Variants in ADCY2 observed in about 807,000 individuals in gnomAD.
The protein encoded by ADCY2 is adenylate cyclase 2.
A neutral mutation model predicts 125.2 loss-of-function variants in ADCY2; 31 were observed. That is an observed-to-expected ratio of 0.25 (90% confidence interval 0.19 to 0.33). The LOEUF (loss-of-function observed/expected upper bound fraction) is 0.33, where lower values mean the gene tolerates loss of function less well. Among genes scored for constraint, ADCY2 ranks in the 10% least tolerant of loss-of-function variants. ADCY2 has a pLI of 1.00. For missense variants in ADCY2, 904 were observed against 1,418.2 expected, an observed-to-expected ratio of 0.64 and a Z score of 5.82; for synonymous variants, 512 against 548.4, an observed-to-expected ratio of 0.93 and a Z score of 0.93.
chr5:7,607,185 A>T (rs1320185323), intron 3 of ADCY2, among the ~76,000 whole-genome samples: 1 of 152,208 alleles, frequency 6.6e-6, no homozygotes, highest in East Asian at 1.9e-4. Context: ...ATGTAGTGGA[A>T]GGATGACTTT....
chr5:7,542,558 A>G (rs1041631606), intron 3 of ADCY2, among the ~76,000 whole-genome samples: 3 of 152,238 alleles, frequency 2.0e-5, no homozygotes, highest in African/African-American at 4.8e-5. Flanking sequence ...AAAACTGTGT[A>G]AAAAAGGAAG....
intron 4 of ADCY2, among the ~76,000 whole-genome samples, chr5:7,665,184 C>T (rs1174253716): frequency 6.6e-6 from 1 of 152,194 alleles, no homozygotes; most frequent in Non-Finnish European, 1.5e-5. Context: ...GAATAAGTCT[C>T]TTCAAATATT....
At chr5:7,716,954 T>G (rs576916261) in intron 11 of ADCY2, among the ~76,000 whole-genome samples, 1 of 152,116 alleles carries the variant, frequency 6.6e-6, no homozygotes, top group African/African-American at 2.4e-5. Flanking sequence ...AAGAGAGAAT[T>G]TGAAATGTTT....
intron 22 of ADCY2, among the ~76,000 whole-genome samples, chr5:7,814,881 G>A (rs139774237): frequency 1.6e-4 from 25 of 152,228 alleles, no homozygotes; most frequent in Non-Finnish European, 3.5e-4. Context: ...CCTAAGGCCC[G>A]CAGCAGCCCC....
intron 22 of ADCY2, among the ~76,000 whole-genome samples, chr5:7,812,905 A>G (rs1281903219): frequency 6.6e-6 from 1 of 152,182 alleles, no homozygotes; most frequent in African/African-American, 2.4e-5. Flanking sequence ...GCAAGACTCC[A>G]TCTCAAAAAA....
chr5:7,484,292 C>T (rs540787329), intron 2 of ADCY2, among the ~76,000 whole-genome samples: 30 of 152,162 alleles, frequency 2.0e-4, no homozygotes, highest in Middle Eastern at 3.4e-3. Context: ...TAGTAATACC[C>T]AATTAGAAAA....
chr5:7,641,408 A>T (rs1196930493), intron 4 of ADCY2, among the ~76,000 whole-genome samples: 1 of 152,172 alleles, frequency 6.6e-6, no homozygotes, highest in Non-Finnish European at 1.5e-5. Flanking sequence ...ATCGTGGTAT[A>T]AGATGTGAAG....
chr5:7,618,159 G>T (rs185967621), intron 3 of ADCY2, among the ~76,000 whole-genome samples: 12 of 152,280 alleles, frequency 7.9e-5, no homozygotes. Context: ...CCCCAGGTGA[G>T]ATTGGCCGTG....
At chr5:7,724,443 A>C in intron 12 of ADCY2, 102 bp from the exon 13 acceptor site, 2 of 841,148 alleles carry the variant, frequency 2.4e-6, no homozygotes, top group Non-Finnish European at 1.9e-6. Context: ...GTTCGGAATG[A>C]TACACAATAA....
rs60426818 is a variant in ADCY2, at chr5:7,722,960, CAAAAAAAAAA to C, written c.1704-1568_1704-1559del. ...GGGCAACAAGAGCGAAACTCCATCT[CAAAAAAAAAA>C]AAAAAAAAAAAAAAAAGCATGTCCT... On this transcript the variant is annotated intron_variant, in intron 12 of 24. Transcript: ENST00000338316. Among the ~76,000 whole-genome samples, 12 of 51,668 alleles carry C rather than the reference CAAAAAAAAAA, an allele frequency of 2.3e-4. 2 individuals are homozygous for C. In the Admixed American group the frequency reaches 2.9e-3, roughly 12 times the overall value. The allele number at this position is 51,668 out of a possible 152,430, so 33.9% of individuals were successfully genotyped here. A position where few individuals can be genotyped will look rare whatever the true frequency, so the allele number is the denominator to read the frequency against.
At chr5:7,456,723 G>A (rs1481728463) in intron 2 of ADCY2, among the ~76,000 whole-genome samples, 1 of 152,178 alleles carries the variant, frequency 6.6e-6, no homozygotes, top group Non-Finnish European at 1.5e-5. Flanking sequence ...CTTGATGACT[G>A]TAGGAGGAAT....
chr5:7,748,799 T>C (rs1742714954), intron 15 of ADCY2, among the ~76,000 whole-genome samples: 2 of 152,230 alleles, frequency 1.3e-5, no homozygotes, highest in African/African-American at 2.4e-5. Context: ...CTTACTCTGC[T>C]AGGCACTTAG....
chr5:7,680,393 G>A (rs1485219580), intron 4 of ADCY2, among the ~76,000 whole-genome samples: 1 of 152,216 alleles, frequency 6.6e-6, no homozygotes. Flanking sequence ...TAGAGTATAG[G>A]CAGATGTGGT....
chr5:7,542,873 C>G (rs1237570330), intron 3 of ADCY2, among the ~76,000 whole-genome samples: 1 of 152,190 alleles, frequency 6.6e-6, no homozygotes, highest in Non-Finnish European at 1.5e-5. Flanking sequence ...CTATCACATT[C>G]CACCCCTTGT....
chr5:7,543,280 A>G (rs778928555), intron 3 of ADCY2, among the ~76,000 whole-genome samples: 6 of 152,214 alleles, frequency 3.9e-5, no homozygotes, highest in Non-Finnish European at 2.9e-5. Context: ...TGTTCACCAT[A>G]ATGCTATTAT....
At chr5:7,622,669 A>ACAGGCAGCAAGAAGTGCAAAGCCTCG (rs1415573462) in intron 3 of ADCY2, among the ~76,000 whole-genome samples, 1 of 152,206 alleles carries the variant, frequency 6.6e-6, no homozygotes, top group Non-Finnish European at 1.5e-5. Flanking sequence ...TGGCTGGAAG[A>ACAGGCAGCAAGAAGTGCAAAGCCTCG]CAGGCAGCAA....
chr5:7,558,136 C>T (rs1319988541), intron 3 of ADCY2, among the ~76,000 whole-genome samples: 4 of 151,810 alleles, frequency 2.6e-5, no homozygotes, highest in African/African-American at 9.7e-5. Context: ...CACTGCAACC[C>T]CTGCCACCCG....
Position 7,427,268 on chromosome 5 carries a change from C to A in ADCY2, c.408+12498C>A, listed in dbSNP as rs192167586. Among the ~76,000 whole-genome samples, 9 of 152,266 alleles carry A rather than the reference C, an allele frequency of 5.9e-5. No homozygotes were observed. The East Asian group carries it at 1.7e-3, about 29-fold the overall frequency. Reference sequence around the variant, plus strand: ...CCGGTTATATTGAATTAGGAGCCCACCTGTATTAGTTCATTCTCATGCTGC... The same window carrying A: ...CCGGTTATATTGAATTAGGAGCCCAACTGTATTAGTTCATTCTCATGCTGC... On this transcript the variant is annotated intron_variant, in intron 2 of 24. Transcript: ENST00000338316.
At chr5:7,482,767 G>GAT (rs140354609) in intron 2 of ADCY2, among the ~76,000 whole-genome samples, 8,574 of 119,296 alleles carry the variant, frequency 0.072, 387 homozygotes, top group African/African-American at 0.13. Context: ...AAGAAAATGT[G>GAT]ATATATATAT....
Sources: allele counts gnomAD v4.1 joint callset (sites outside exome capture counted in the v4.1 genomes callset), GRCh38; gene constraint gnomAD v4.1.1; transcripts MANE v1.5; gene names NCBI Gene and HGNC (gene_info 2026-07-23, HGNC 2026-07-21).